CFAP299: variants seen among roughly 807,000 people sequenced by gnomAD.
CFAP299 encodes cilia and flagella associated protein 299, also known as cilia- and flagella-associated protein 299.
Under a neutral mutation model 27.0 loss-of-function variants are expected in CFAP299, and 21 were observed. The ratio of observed to expected loss-of-function variants is 0.78; its 90% CI spans 0.55 to 1.12. The LOEUF is 1.12. CFAP299 is among the 50% of genes most tolerant of loss of function. CFAP299 has a pLI of 0.00. For synonymous variants in CFAP299, 104 were observed against 98.1 expected (o/e 1.06, Z -0.36); for missense variants, 310 against 276.6 (o/e 1.12, Z -0.86).
At chr4:80,664,943 A>T (rs1019795804) in intron 3 of CFAP299, among the ~76,000 whole-genome samples, 1 of 152,096 alleles carries the variant, frequency 6.6e-6, no homozygotes, top group African/African-American at 2.4e-5. Flanking sequence ...ACCATTCCTC[A>T]TGGCATGGTC....
intron 3 of CFAP299, among the ~76,000 whole-genome samples, chr4:80,596,315 C>G (rs1253461383): frequency 1.3e-5 from 2 of 152,110 alleles, no homozygotes; most frequent in Non-Finnish European, 2.9e-5. Context: ...GCAGCTCATT[C>G]CTTTGTAGGT....
chr4:80,546,726 A>G (rs1734245055), intron 2 of CFAP299, among the ~76,000 whole-genome samples: 1 of 152,098 alleles, frequency 6.6e-6, no homozygotes. Flanking sequence ...TGCTTTTGCC[A>G]CGTGAAATGC....
intron 3 of CFAP299, among the ~76,000 whole-genome samples, chr4:80,742,327 A>G (rs575161024): frequency 4.6e-4 from 70 of 152,280 alleles, no homozygotes; most frequent in South Asian, 8.3e-4. Context: ...TTATAGAAAA[A>G]ACAAGATACT....
At chr4:80,947,909 A>G (rs1052509284) in intron 5 of CFAP299, among the ~76,000 whole-genome samples, 3 of 152,178 alleles carry the variant, frequency 2.0e-5, no homozygotes, top group African/African-American at 7.2e-5. Context: ...AAATATCTGC[A>G]GTTACTTTAA....
At chr4:80,418,753 G>A (rs114049771) in intron 2 of CFAP299, among the ~76,000 whole-genome samples, 82 of 152,190 alleles carry the variant, frequency 5.4e-4, no homozygotes, top group African/African-American at 1.9e-3. Flanking sequence ...GTATTTGTCC[G>A]TACGTATTGG....
At chr4:80,549,251 C>T (rs1381847415) in intron 2 of CFAP299, among the ~76,000 whole-genome samples, 4 of 151,940 alleles carry the variant, frequency 2.6e-5, no homozygotes, top group Non-Finnish European at 4.4e-5. Flanking sequence ...TGGAGACACT[C>T]GCTAAGATGC....
chr4:80,461,282 G>C (rs1560577642), intron 2 of CFAP299, among the ~76,000 whole-genome samples: 1 of 151,962 alleles, frequency 6.6e-6, no homozygotes, highest in Non-Finnish European at 1.5e-5. Flanking sequence ...AAGAAAGGAG[G>C]TTCTCTACAG....
At chr4:80,626,673 G>T (rs2109939630) in intron 3 of CFAP299, among the ~76,000 whole-genome samples, 1 of 151,688 alleles carries the variant, frequency 6.6e-6, no homozygotes, top group Admixed American at 6.6e-5. Context: ...AACAGGAAAA[G>T]GAGATATTAC....
chr4:80,388,167 G>A (rs1329700198), intron 2 of CFAP299: 2 of 680,386 alleles, frequency 2.9e-6, no homozygotes, highest in Admixed American at 4.0e-5. Context: ...GGTGAGGGCA[G>A]TGGTGGAGGA....
intron 3 of CFAP299, among the ~76,000 whole-genome samples, chr4:80,726,310 T>TACA (rs1723158822): frequency 6.6e-6 from 1 of 152,176 alleles, no homozygotes; most frequent in Non-Finnish European, 1.5e-5. Flanking sequence ...AAGATGCCTA[T>TACA]AATCTTCAAG....
intron 4 of CFAP299, among the ~76,000 whole-genome samples, chr4:80,894,755 T>A (rs1734529476): frequency 6.6e-6 from 1 of 151,968 alleles, no homozygotes; most frequent in South Asian, 2.1e-4. Context: ...TGCAGAATTA[T>A]TCACAGTTTC....
At chr4:80,482,805 T>C (rs1303609481) in intron 2 of CFAP299, among the ~76,000 whole-genome samples, 2 of 152,190 alleles carry the variant, frequency 1.3e-5, no homozygotes, top group African/African-American at 4.8e-5. Context: ...GAATCAGGTC[T>C]CTTGCTGAAC....
At chr4:80,663,265 C>T (rs1334040973) in intron 3 of CFAP299, among the ~76,000 whole-genome samples, 1 of 152,082 alleles carries the variant, frequency 6.6e-6, no homozygotes, top group Non-Finnish European at 1.5e-5. Context: ...GGTATTTCTC[C>T]TAATGCTATC....
intron 2 of CFAP299, among the ~76,000 whole-genome samples, chr4:80,554,275 G>C (rs1051149417): frequency 6.6e-6 from 1 of 151,910 alleles, no homozygotes; most frequent in Non-Finnish European, 1.5e-5. Flanking sequence ...TTTTTGTCAG[G>C]TTTTCCAAAG....
At chr4:80,545,301 A>G (rs1734172362) in intron 2 of CFAP299, among the ~76,000 whole-genome samples, 2 of 152,182 alleles carry the variant, frequency 1.3e-5, no homozygotes, top group Non-Finnish European at 2.9e-5. Context: ...CTAGAGAAAC[A>G]AGACCAAAAC....
chr4:80,679,144 T>C (rs1380043456), intron 3 of CFAP299, among the ~76,000 whole-genome samples: 2 of 152,072 alleles, frequency 1.3e-5, no homozygotes, highest in African/African-American at 4.8e-5. Context: ...GAGAATTATA[T>C]ACAAATAGGA....
intron 3 of CFAP299, among the ~76,000 whole-genome samples, chr4:80,765,285 C>G (rs909721690): frequency 6.6e-6 from 1 of 152,058 alleles, no homozygotes; most frequent in Non-Finnish European, 1.5e-5. Flanking sequence ...TTCCAGGAAG[C>G]CTCATGCTGA....
intron 3 of CFAP299, among the ~76,000 whole-genome samples, chr4:80,829,603 A>C (rs986640048): frequency 2.0e-5 from 3 of 152,100 alleles, no homozygotes; most frequent in Non-Finnish European, 4.4e-5. Context: ...TGAAGTCAAC[A>C]TATTGAAGGG....
intron 2 of CFAP299, among the ~76,000 whole-genome samples, chr4:80,493,392 T>G (rs549912667): frequency 6.2e-4 from 95 of 152,264 alleles, no homozygotes; most frequent in African/African-American, 2.2e-3. Context: ...TAGGGTTAGA[T>G]CTCACAGGCT....
Sources: allele counts gnomAD v4.1 joint callset (sites outside exome capture counted in the v4.1 genomes callset), GRCh38; gene constraint gnomAD v4.1.1; transcripts MANE v1.5; gene names NCBI Gene and HGNC (gene_info 2026-07-23, HGNC 2026-07-21).